TRIM55: variants seen among roughly 807,000 people sequenced by gnomAD.
TRIM55 encodes tripartite motif containing 55, also known as tripartite motif-containing protein 55.
TRIM55 carries 50 observed loss-of-function variants against 60.9 expected under a neutral mutation model. That is an observed-to-expected ratio of 0.82 (90% CI 0.65 to 1.04). The LOEUF is 1.04. Ranked by LOEUF, TRIM55 falls within the 50% of genes least tolerant of loss-of-function variation. The pLI, the probability that TRIM55 is intolerant of heterozygous loss-of-function variation, is 0.00. For missense variants in TRIM55, 681 were observed against 666.9 expected (o/e 1.02, Z -0.23); for synonymous variants, 237 against 238.1 (o/e 1.00, Z 0.04).
chr8:66,160,216 C>T (rs1187365414), intron 9 of TRIM55, among the ~76,000 whole-genome samples: 1 of 152,182 alleles, frequency 6.6e-6, no homozygotes, highest in African/African-American at 2.4e-5. Flanking sequence ...TATAGCTTAG[C>T]TCCCACATAT....
At chr8:66,134,924 A>ATGTT (rs1809387633) in intron 2 of TRIM55, 66 bp from the exon 3 acceptor site, 5 of 1,507,184 alleles carry the variant, frequency 3.3e-6, no homozygotes, top group South Asian at 2.4e-5. Flanking sequence ...GAGCAACATC[A>ATGTT]GCTCTGCCTT....
intron 2 of TRIM55, among the ~76,000 whole-genome samples, chr8:66,132,910 C>G (rs1423944202): frequency 6.6e-6 from 1 of 152,090 alleles, no homozygotes; most frequent in Non-Finnish European, 1.5e-5. Context: ...AAATGTAGAG[C>G]CTTATGGCTG....
chr8:66,128,153 G>C, intron 1 of TRIM55, 151 bp from the exon 2 acceptor site: 1 of 687,208 alleles, frequency 1.5e-6, no homozygotes, highest in Non-Finnish European at 2.4e-6. Flanking sequence ...TGTGTTTCAG[G>C]ACCACTTGCT....
chr8:66,150,313 CA>C, intron 6 of TRIM55, 28 bp from the exon 7 acceptor site: 1 of 1,614,064 alleles, frequency 6.2e-7, no homozygotes, highest in East Asian at 2.2e-5. Flanking sequence ...TCAACAGTGA[CA>C]GAAAGTGGCA....
intron 9 of TRIM55, among the ~76,000 whole-genome samples, chr8:66,162,905 A>T (rs6472255): frequency 0.23 from 35,098 of 151,970 alleles, 8,129 homozygotes; most frequent in African/African-American, 0.6. Context: ...TTTTGTTAAT[A>T]TTTGTGTAGA....
At chr8:66,140,192 A>G (rs1000782343) in intron 4 of TRIM55, among the ~76,000 whole-genome samples, 1 of 152,220 alleles carries the variant, frequency 6.6e-6, no homozygotes, top group Admixed American at 6.5e-5. Flanking sequence ...TTCTCAGAAC[A>G]TACTAGTTAA....
At chr8:66,124,798 T>A (rs796707094), upstream of TRIM55, among the ~76,000 whole-genome samples, 3 of 152,270 alleles carry the variant, frequency 2.0e-5, no homozygotes, top group African/African-American at 7.2e-5. Flanking sequence ...CCCCAATATC[T>A]TTACCCTAAA....
At position 66,129,393 on chromosome 8, in the gene TRIM55, G is replaced by A. The variant is rs139127361; in HGVS notation, c.341+917G>A. On this transcript the variant is annotated intron_variant, in intron 2 of 9. Coordinates refer to ENST00000315962, the MANE Select transcript of TRIM55 (RefSeq NM_184085.2). ...TGGCCTCATTGTGATTCCATTAGGG[G>A]ACACGTATTTATGGAACATCTGCAG... 8.2e-4 allele frequency among the ~76,000 whole-genome samples: 125 copies of A among 152,274 alleles called. 1 individual carries two copies. The highest frequency in any genetic ancestry group is 2.9e-3 in the African/African-American group (119 of 41,550).
At chr8:66,161,730 G>A (rs1811061648) in intron 9 of TRIM55, among the ~76,000 whole-genome samples, 1 of 145,048 alleles carries the variant, frequency 6.9e-6, no homozygotes, top group African/African-American at 2.6e-5. Context: ...GGTCATTCAT[G>A]TCCTTGGTTA....
intron 3 of TRIM55, among the ~76,000 whole-genome samples, chr8:66,135,964 T>C (rs1434312377): frequency 6.6e-6 from 1 of 152,140 alleles, no homozygotes. Context: ...TTCTTTCATT[T>C]AGAATCATCA....
chr8:66,167,085 G>T (rs1811367680), intron 9 of TRIM55, among the ~76,000 whole-genome samples: 1 of 152,130 alleles, frequency 6.6e-6, no homozygotes, highest in African/African-American at 2.4e-5. Context: ...TCAGTGGAGA[G>T]GCTGACCCTG....
intron 9 of TRIM55, among the ~76,000 whole-genome samples, chr8:66,172,686 A>T (rs1312147435): frequency 1.3e-5 from 2 of 152,194 alleles, no homozygotes; most frequent in Admixed American, 6.5e-5. Context: ...CAGTTTCCCA[A>T]AGGTTCTGCC....
intron 1 of TRIM55, 110 bp from the exon 2 acceptor site, chr8:66,128,194 A>C (rs1351087382): frequency 9.3e-7 from 1 of 1,076,054 alleles, no homozygotes; most frequent in Non-Finnish European, 1.3e-6. Flanking sequence ...TCTTATGGCA[A>C]GCTTAAAGTA....
rs770301512 is a variant in TRIM55, at chr8:66,150,168, C to G, written c.838-49C>G. ...AAGGAAATAATTGTCTTACCACTGT[C>G]TTTTGTGGAAATAATTTAAGTAAGA... On this transcript the variant is annotated intron_variant, in intron 5 of 9. Transcript: ENST00000315962. The G allele has an allele frequency of 1.1e-5, 18 of 1,596,966 alleles. 1 individual carries two copies. The Admixed American group carries it at 2.7e-4, about 24-fold the overall frequency.
chr8:66,172,923 T>C (rs1811724458), intron 9 of TRIM55, among the ~76,000 whole-genome samples: 1 of 152,196 alleles, frequency 6.6e-6, no homozygotes, highest in Non-Finnish European at 1.5e-5. Flanking sequence ...GGGTTTTTTG[T>C]TGTTGTTGTT....
chr8:66,136,260 G>C (rs1809474874), intron 3 of TRIM55, among the ~76,000 whole-genome samples: 1 of 152,178 alleles, frequency 6.6e-6, no homozygotes, highest in South Asian at 2.1e-4. Context: ...CAGAAGAACA[G>C]ACTGGTGGGA....
intron 4 of TRIM55, among the ~76,000 whole-genome samples, chr8:66,149,355 ATTCT>A (rs1810277054): frequency 6.6e-6 from 1 of 152,224 alleles, no homozygotes; most frequent in Admixed American, 6.5e-5. Flanking sequence ...AAAGAAAATC[ATTCT>A]TTATTTCTAT....
At position 66,127,404 on chromosome 8, in the gene TRIM55, C is replaced by A; in HGVS notation, c.136C>A (p.Leu46Met). 6.2e-7 allele frequency: 1 copy of A among 1,614,120 alleles called. No individual in the cohort carries two copies. Among genetic ancestry groups the A allele is most frequent in the Non-Finnish European group, 8.5e-7 (1 of 1,180,016 alleles). The change falls in exon 1 of 10, where the codon CTG becomes ATG. Residue 46 changes from leucine to methionine, a missense_variant. Coordinates refer to ENST00000315962, the MANE Select transcript of TRIM55 (RefSeq NM_184085.2). ...GGTGATTCTCCCTTGTCAGCACAAC[C>A]TGTGTAGGAAATGTGCCAGTGATAT... is the stretch of plus-strand genomic sequence containing the variant. ...PVVILPCQHNLCRKCASDIFQ... is the reference protein window; with the variant it reads ...PVVILPCQHNMCRKCASDIFQ...
chr8:66,157,243 C>T (rs1314084122), intron 9 of TRIM55, among the ~76,000 whole-genome samples: 1 of 151,794 alleles, frequency 6.6e-6, no homozygotes, highest in East Asian at 1.9e-4. Flanking sequence ...GTGGGGAGGG[C>T]GTTGACATCC....
Sources: gnomAD v4.1 joint callset for allele counts (sites outside exome capture counted in the v4.1 genomes callset) on GRCh38, gnomAD v4.1.1 for gene constraint, MANE v1.5 for transcripts, NCBI Gene and HGNC (gene_info 2026-07-23, HGNC 2026-07-21) for gene names.